The following SHC3 variants were observed in gnomAD, a reference collection of about 807,000 sequenced individuals.
The protein encoded by SHC3 is SHC-transforming protein 3.
In SHC3, 15 loss-of-function variants were observed where a neutral mutation model predicts 60.4. The ratio of observed to expected loss-of-function variants is 0.25; its 90% CI spans 0.17 to 0.38. The LOEUF (loss-of-function observed/expected upper bound fraction) is 0.38. SHC3 is among the 10% of genes least tolerant of loss of function. The pLI, the probability that SHC3 is intolerant of heterozygous loss-of-function variation, is 1.00. For missense variants in SHC3, 677 were observed against 786.1 expected, an observed-to-expected ratio of 0.86 and a Z score of 1.66; for synonymous variants, 294 against 325.9, an observed-to-expected ratio of 0.90 and a Z score of 1.05.
intron 2 of SHC3, among the ~76,000 whole-genome samples, chr9:89,097,759 G>A (rs576016523): frequency 2.6e-5 from 4 of 152,196 alleles, no homozygotes; most frequent in African/African-American, 7.2e-5. Context: ...AGTAGGGTTC[G>A]TCAAGGAATC....
chr9:89,174,076 G>A (rs1337067082), intron 1 of SHC3, among the ~76,000 whole-genome samples: 1 of 151,868 alleles, frequency 6.6e-6, no homozygotes, highest in East Asian at 1.9e-4. Flanking sequence ...TATGATCTTT[G>A]CTCACAGTTA....
At chr9:89,174,869 T>C (rs1403106751) in intron 1 of SHC3, among the ~76,000 whole-genome samples, 1 of 152,224 alleles carries the variant, frequency 6.6e-6, no homozygotes, top group East Asian at 1.9e-4. Flanking sequence ...ACTGTTCATA[T>C]TCCTTCCTAC....
chr9:89,022,948 T>G (rs1212085687), intron 11 of SHC3, among the ~76,000 whole-genome samples: 1 of 152,244 alleles, frequency 6.6e-6, no homozygotes, highest in Non-Finnish European at 1.5e-5. Context: ...CTTGCTGTGT[T>G]GTCTTTTGCT....
intron 11 of SHC3, among the ~76,000 whole-genome samples, chr9:89,016,718 A>G (rs754861274): frequency 6.6e-6 from 1 of 152,236 alleles, no homozygotes; most frequent in Non-Finnish European, 1.5e-5. Context: ...ACATTAAAAG[A>G]AAACTATAGT....
intron 1 of SHC3, among the ~76,000 whole-genome samples, chr9:89,149,358 A>G (rs930985360): frequency 1.1e-4 from 16 of 152,178 alleles, no homozygotes; most frequent in African/African-American, 3.6e-4. Flanking sequence ...CTTCATTGTA[A>G]AATAAAGCAT....
chr9:89,013,704 A>G (rs1659398521), intron 11 of SHC3, 129 bp from the exon 12 acceptor site: 3 of 1,338,322 alleles, frequency 2.2e-6, no homozygotes, highest in African/African-American at 3.0e-5. Flanking sequence ...AGGGGCTTCC[A>G]CCACTTTAGA....
chr9:89,088,924 G>A (rs1564133643), intron 2 of SHC3: 1 of 152,384 alleles, frequency 6.6e-6, no homozygotes, highest in Non-Finnish European at 1.5e-5. Flanking sequence ...ACCATTCTGG[G>A]TGAGACCACA....
At chr9:89,157,182 A>T (rs184202754) in intron 1 of SHC3, among the ~76,000 whole-genome samples, 1 of 152,310 alleles carries the variant, frequency 6.6e-6, no homozygotes, top group East Asian at 1.9e-4. Flanking sequence ...GCACTGGGTG[A>T]GTGGACCCCA....
At chr9:89,121,321 G>A (rs1178766029) in intron 1 of SHC3, among the ~76,000 whole-genome samples, 1 of 150,790 alleles carries the variant, frequency 6.6e-6, no homozygotes, top group African/African-American at 2.4e-5. Flanking sequence ...ATGGAGTTTC[G>A]CTCTTGTTGC....
intron 4 of SHC3, among the ~76,000 whole-genome samples, chr9:89,074,742 T>A (rs1451922415): frequency 7.0e-6 from 1 of 142,186 alleles, no homozygotes; most frequent in Non-Finnish European, 1.5e-5. Context: ...TGACATGCCG[T>A]CCACTTCAAA....
chr9:89,075,075 TG>T (rs1430763966), intron 4 of SHC3, 33 bp downstream of exon 4: 1 of 1,607,966 alleles, frequency 6.2e-7, no homozygotes, highest in African/African-American at 1.3e-5. Flanking sequence ...CCTGGGGCTG[TG>T]GGCAGGGACA....
At chr9:89,119,511 T>C (rs1038908619) in intron 1 of SHC3, among the ~76,000 whole-genome samples, 4 of 152,092 alleles carry the variant, frequency 2.6e-5, no homozygotes, top group African/African-American at 9.6e-5. Flanking sequence ...AGGGGTTTAA[T>C]ATGGGGAAAT....
chr9:89,174,925 G>T (rs1348351064), intron 1 of SHC3, among the ~76,000 whole-genome samples: 3 of 152,234 alleles, frequency 2.0e-5, no homozygotes, highest in Non-Finnish European at 2.9e-5. Flanking sequence ...GGAGGACCAG[G>T]ATATTGCCTT....
intron 1 of SHC3, among the ~76,000 whole-genome samples, chr9:89,174,453 A>C (rs141279319): frequency 6.6e-6 from 1 of 152,316 alleles, no homozygotes; most frequent in African/African-American, 2.4e-5. Flanking sequence ...CCACAAGCTG[A>C]AACCTATGTA....
intron 11 of SHC3, among the ~76,000 whole-genome samples, chr9:89,031,278 A>G (rs1181740522): frequency 6.6e-6 from 1 of 152,222 alleles, no homozygotes; most frequent in Non-Finnish European, 1.5e-5. Context: ...AAGGTGTACA[A>G]TTCAATGGGT....
chr9:89,173,948 A>G (rs961413637), intron 1 of SHC3, among the ~76,000 whole-genome samples: 1 of 152,236 alleles, frequency 6.6e-6, no homozygotes, highest in Admixed American at 6.5e-5. Flanking sequence ...AAAAAAATCA[A>G]CTTTTTAAAG....
chr9:89,058,011 G>T (rs1824983836), intron 6 of SHC3, among the ~76,000 whole-genome samples: 1 of 152,232 alleles, frequency 6.6e-6, no homozygotes, highest in Admixed American at 6.5e-5. Context: ...CCAAAGAATG[G>T]CTGGGCCACA....
At chr9:89,058,252 G>A (rs1824988013) in intron 6 of SHC3, among the ~76,000 whole-genome samples, 1 of 151,368 alleles carries the variant, frequency 6.6e-6, no homozygotes, top group South Asian at 2.1e-4. Flanking sequence ...GAGGATAGTG[G>A]CATAGGACGT....
At chr9:89,061,110 G>A (rs181870876) in intron 6 of SHC3, among the ~76,000 whole-genome samples, 6 of 152,310 alleles carry the variant, frequency 3.9e-5, no homozygotes, top group Admixed American at 3.9e-4. Flanking sequence ...GGCTTTGTTT[G>A]TAAAAACACT....
Sources: allele counts gnomAD v4.1 joint callset (sites outside exome capture counted in the v4.1 genomes callset), GRCh38; gene constraint gnomAD v4.1.1; transcripts MANE v1.5; gene names NCBI Gene and HGNC (gene_info 2026-07-23, HGNC 2026-07-21).